The following XIRP2 variants were observed in gnomAD, a reference collection of about 807,000 sequenced individuals.
XIRP2 encodes the protein xin actin binding repeat containing 2, also known as xin actin-binding repeat-containing protein 2.
In XIRP2, 236 loss-of-function variants were observed where a neutral mutation model predicts 277.0. The ratio of observed to expected loss-of-function variants is 0.85; its 90% CI spans 0.77 to 0.95. The LOEUF (loss-of-function observed/expected upper bound fraction) is 0.95, where lower values mean the gene tolerates loss of function less well. XIRP2 is among the 40% of genes least tolerant of loss of function. The pLI, the probability that XIRP2 is intolerant of heterozygous loss-of-function variation, is 0.00. For missense variants in XIRP2, 4,640 were observed against 4,157.5 expected (o/e 1.12, Z -3.19); for synonymous variants, 1,490 against 1,416.5 (o/e 1.05, Z -1.17).
chr2:166,942,904 G>C (rs989739925), intron 2 of XIRP2, among the ~76,000 whole-genome samples: 3 of 151,852 alleles, frequency 2.0e-5, no homozygotes, highest in African/African-American at 7.3e-5. Flanking sequence ...AAATTAAATT[G>C]AATTTCTCAA....
intron 2 of XIRP2, among the ~76,000 whole-genome samples, chr2:167,037,914 TAAA>T (rs1009850555): frequency 2.0e-5 from 3 of 152,014 alleles, no homozygotes; most frequent in Non-Finnish European, 2.9e-5. Context: ...TTTTTAATAA[TAAA>T]TTTTTTATAT....
intron 2 of XIRP2, among the ~76,000 whole-genome samples, chr2:167,003,495 G>A (rs1332068676): frequency 6.6e-6 from 1 of 151,788 alleles, no homozygotes; most frequent in Non-Finnish European, 1.5e-5. Context: ...GTGGAGAGAG[G>A]TGGTGAGTGA....
intron 1 of XIRP2, among the ~76,000 whole-genome samples, chr2:166,890,160 A>AT (rs1050791937): frequency 3.8e-4 from 58 of 151,130 alleles, no homozygotes; most frequent in African/African-American, 1.2e-3. Context: ...CATGCTGGCT[A>AT]TTTTTTTGTT....
intron 2 of XIRP2, among the ~76,000 whole-genome samples, chr2:167,122,635 T>C (rs1162384652): frequency 6.6e-6 from 1 of 152,120 alleles, no homozygotes; most frequent in Non-Finnish European, 1.5e-5. Context: ...AGACCCAAGG[T>C]CCCTTAACTG....
chr2:167,037,140 C>T (rs1385487891), intron 2 of XIRP2, among the ~76,000 whole-genome samples: 3 of 152,140 alleles, frequency 2.0e-5, no homozygotes, highest in Non-Finnish European at 4.4e-5. Flanking sequence ...CAGCATTGGA[C>T]ACATCTCCCA....
chr2:167,248,865 ATTAT>A lies in XIRP2; in HGVS notation c.7474_7477del (p.Ser2493LeufsTer26). On this transcript the variant is annotated frameshift_variant, in exon 9 of 11. Coordinates refer to ENST00000409195, the MANE Select transcript of XIRP2 (RefSeq NM_152381.6). LOFTEE classifies it high-confidence loss of function. ...GTAAGAGTCTTGATGAAAGAAAACA[ATTAT>A]CTATTGACTCTGCAAACTGTCTCTC... 6.2e-7 allele frequency: 1 copy of A among 1,613,624 alleles called. No individual in the cohort carries two copies. Among genetic ancestry groups the A allele is most frequent in the South Asian group, 1.1e-5 (1 of 91,034 alleles).
At chr2:166,957,585 T>A (rs558311129) in intron 2 of XIRP2, among the ~76,000 whole-genome samples, 1 of 151,870 alleles carries the variant, frequency 6.6e-6, no homozygotes, top group South Asian at 2.1e-4. Flanking sequence ...TGCTATGCAG[T>A]TGTCCAGGAA....
chr2:167,075,538 G>A (rs150606534), intron 2 of XIRP2, among the ~76,000 whole-genome samples: 74 of 152,216 alleles, frequency 4.9e-4, no homozygotes, highest in African/African-American at 1.6e-3. Flanking sequence ...AAGGTTTTGC[G>A]TCTTTGTCTC....
At chr2:167,148,702 T>C (rs1027123068) in intron 3 of XIRP2, among the ~76,000 whole-genome samples, 5 of 152,126 alleles carry the variant, frequency 3.3e-5, no homozygotes, top group African/African-American at 1.2e-4. Flanking sequence ...AAATAGACAC[T>C]TGTAAAATAT....
intron 5 of XIRP2, among the ~76,000 whole-genome samples, chr2:167,227,806 A>G (rs1694648569): frequency 6.6e-6 from 1 of 152,186 alleles, no homozygotes; most frequent in Non-Finnish European, 1.5e-5. Flanking sequence ...CAGAACAAAA[A>G]TAAAGGAATT....
At chr2:166,911,709 G>T (rs544949349) in intron 2 of XIRP2, among the ~76,000 whole-genome samples, 132 of 152,256 alleles carry the variant, frequency 8.7e-4, no homozygotes, top group African/African-American at 3.2e-3. Flanking sequence ...TAGTATTGAT[G>T]GTCTTAATAA....
At chr2:167,114,231 G>T (rs1433036649) in intron 2 of XIRP2, among the ~76,000 whole-genome samples, 1 of 152,090 alleles carries the variant, frequency 6.6e-6, no homozygotes, top group Non-Finnish European at 1.5e-5. Context: ...TTCGCAAGTT[G>T]CTTGTTTTCT....
intron 2 of XIRP2, among the ~76,000 whole-genome samples, chr2:167,034,835 G>A (rs1688468075): frequency 6.6e-6 from 1 of 152,176 alleles, no homozygotes; most frequent in South Asian, 2.1e-4. Flanking sequence ...GTTTGGCTGT[G>A]TCCCCACCCA....
Position 167,248,104 on chromosome 2 carries a change from A to G in XIRP2, c.6712A>G (p.Thr2238Ala). 6.2e-7 allele frequency: 1 copy of G among 1,613,284 alleles called. No individual in the cohort carries two copies. Reference sequence around the variant, plus strand: ...AAAAAGTCACAATACATTTAAGGCAACCAACAAAAAGCGGGAGACTGATGT... The same window carrying G: ...AAAAAGTCACAATACATTTAAGGCAGCCAACAAAAAGCGGGAGACTGATGT... ...SEKSHNTFKA[T>A]NKKRETDVHL... Residue 2238 changes from threonine (T) to alanine (A), a missense_variant, in exon 9 of 11, where the codon ACC (threonine) becomes GCC (alanine). Coordinates refer to ENST00000409195, the MANE Select transcript of XIRP2 (RefSeq NM_152381.6).
Position 167,245,239 on chromosome 2 carries a change from T to A in XIRP2, c.3847T>A (p.Ser1283Thr). Reference protein sequence around the residue: ...RKGCFIFETFSLDEIKEESDY... With the variant: ...RKGCFIFETFTLDEIKEESDY... ...GGGGTGCTTTATTTTTGAGACTTTT[T>A]CTTTAGATGAGATTAAAGAAGAATC... is the stretch of plus-strand genomic sequence containing the variant. Residue 1283 changes from serine to threonine, a missense_variant, in exon 9 of 11, where the codon TCT (serine) becomes ACT (threonine). Ser to Thr is a moderately conservative substitution (Grantham distance 58). Coordinates refer to ENST00000409195, the MANE Select transcript of XIRP2 (RefSeq NM_152381.6). The A allele has an allele frequency of 1.2e-6, 2 of 1,613,714 alleles. No homozygotes were observed. Among genetic ancestry groups the A allele is most frequent in the Non-Finnish European group, 1.7e-6 (2 of 1,179,722 alleles).
chr2:166,971,557 GA>G (rs895471561), intron 2 of XIRP2, among the ~76,000 whole-genome samples: 50 of 150,624 alleles, frequency 3.3e-4, no homozygotes, highest in Non-Finnish European at 3.7e-4. Flanking sequence ...GCTCATAAAT[GA>G]AAAAAAAATT....
chr2:167,239,767 C>G, intron 5 of XIRP2, 88 bp from the exon 6 acceptor site: 1 of 1,101,950 alleles, frequency 9.1e-7, no homozygotes, highest in East Asian at 2.7e-5. Flanking sequence ...CATTTTTTTT[C>G]AGAAATTGTC....
chr2:167,002,050 T>C (rs887274899), intron 2 of XIRP2, among the ~76,000 whole-genome samples: 1 of 152,254 alleles, frequency 6.6e-6, no homozygotes, highest in African/African-American at 2.4e-5. Flanking sequence ...ATTTTAATTC[T>C]TTACAAAATT....
At chr2:166,899,844 T>C (rs923753493) in intron 1 of XIRP2, among the ~76,000 whole-genome samples, 3 of 152,088 alleles carry the variant, frequency 2.0e-5, no homozygotes, top group Non-Finnish European at 2.9e-5. Context: ...TTATTGGTAA[T>C]GGTGAATTTT....
Sources: allele counts gnomAD v4.1 joint callset (sites outside exome capture counted in the v4.1 genomes callset), GRCh38; gene constraint gnomAD v4.1.1; transcripts MANE v1.5; gene names NCBI Gene and HGNC (gene_info 2026-07-23, HGNC 2026-07-21).